The following PAQR5 variants were observed in gnomAD, a reference collection of about 807,000 sequenced individuals.
The protein encoded by PAQR5 is progestin and adipoQ receptor family member 5.
PAQR5 carries 20 observed loss-of-function variants against 34.5 expected under a neutral mutation model. That is an observed-to-expected ratio of 0.58 (90% CI 0.41 to 0.84). PAQR5 has a LOEUF of 0.84. Among genes scored for constraint, PAQR5 ranks in the 40% least tolerant of loss-of-function variants. The probability of loss-of-function intolerance (pLI) is 0.00; values close to 1 mark genes in which losing one functional copy is unlikely to be tolerated. For missense variants in PAQR5, 378 were observed against 412.7 expected, an observed-to-expected ratio of 0.92 and a Z score of 0.73; for synonymous variants, 131 against 155.6, an observed-to-expected ratio of 0.84 and a Z score of 1.18.
chr15:69,380,060 A>G, intron 4 of PAQR5, 50 bp downstream of exon 4: 1 of 1,599,194 alleles, frequency 6.3e-7, no homozygotes. Flanking sequence ...AGCCCTGGAG[A>G]CCAGGGTGTC....
intron 6 of PAQR5, 157 bp from the exon 7 acceptor site, chr15:69,397,311 G>T: frequency 1.4e-6 from 1 of 710,346 alleles, no homozygotes; most frequent in Non-Finnish European, 2.6e-6. Context: ...TGGGAGGAAT[G>T]GACGAGGCTG....
chr15:69,392,491 T>G (rs2056301515), intron 6 of PAQR5, among the ~76,000 whole-genome samples: 3 of 150,988 alleles, frequency 2.0e-5, no homozygotes, highest in Admixed American at 1.3e-4. Flanking sequence ...ATTCCATCTA[T>G]CCACCCATCT....
chr15:69,393,822 G>A (rs947601418), intron 6 of PAQR5, among the ~76,000 whole-genome samples: 9 of 152,288 alleles, frequency 5.9e-5, no homozygotes, highest in Admixed American at 5.2e-4. Flanking sequence ...GAGCTTTGTC[G>A]TCCCCTGAGT....
At chr15:69,387,908 T>TA (rs2056156233) in intron 5 of PAQR5, among the ~76,000 whole-genome samples, 1 of 12,408 alleles carries the variant, frequency 8.1e-5, no homozygotes, top group African/African-American at 2.6e-4. Flanking sequence ...GACCTGGATA[T>TA]ACCCCCACCA....
At chr15:69,401,745 TAACA>T (rs1567045742) in intron 8 of PAQR5, among the ~76,000 whole-genome samples, 1 of 152,200 alleles carries the variant, frequency 6.6e-6, no homozygotes, top group Non-Finnish European at 1.5e-5. Flanking sequence ...AGTCCTTAAC[TAACA>T]GAGTCTGCTG....
intron 2 of PAQR5, among the ~76,000 whole-genome samples, chr15:69,340,937 AAAC>A (rs894931244): frequency 9.2e-5 from 14 of 152,218 alleles, no homozygotes; most frequent in African/African-American, 3.4e-4. Flanking sequence ...TTTTGTATTA[AAAC>A]AACTATAAAT....
chr15:69,380,043 C>T lies in PAQR5; in HGVS notation c.179+33C>T, dbSNP rs764460491. 4 of 1,611,094 alleles carry T rather than the reference C, an allele frequency of 2.5e-6. No homozygotes were observed. In the East Asian group the frequency reaches 6.7e-5, roughly 27 times the overall value. On this transcript the variant is annotated intron_variant, in intron 4 of 8. Coordinates refer to ENST00000395407, the MANE Select transcript of PAQR5 (RefSeq NM_017705.4). ...CTGGCCCCCTCGACCGGCCTGTCTC[C>T]TTCAGGAGCCCTGGAGACCAGGGTG...
intron 3 of PAQR5, among the ~76,000 whole-genome samples, chr15:69,361,188 G>A (rs2055222351): frequency 6.6e-6 from 1 of 152,210 alleles, no homozygotes. Flanking sequence ...TTGCTGGTTG[G>A]TTCTACCCAT....
chr15:69,328,345 G>A (rs1007692123), intron 1 of PAQR5, among the ~76,000 whole-genome samples: 1 of 152,238 alleles, frequency 6.6e-6, no homozygotes, highest in African/African-American at 2.4e-5. Flanking sequence ...AGAAAGTTAA[G>A]CAACATGTTC....
At chr15:69,381,890 C>G (rs755041389) in intron 4 of PAQR5, among the ~76,000 whole-genome samples, 10 of 152,158 alleles carry the variant, frequency 6.6e-5, no homozygotes, top group Non-Finnish European at 1.2e-4. Flanking sequence ...TTTGTAGAGT[C>G]TCCTCCCTTG....
chr15:69,355,739 AT>A (rs1234356308), intron 2 of PAQR5, among the ~76,000 whole-genome samples: 2 of 151,680 alleles, frequency 1.3e-5, no homozygotes, highest in East Asian at 3.9e-4. Context: ...TTCTTTATTT[AT>A]TTTTTATACA....
At chr15:69,376,323 C>T (rs4777140) in intron 3 of PAQR5, among the ~76,000 whole-genome samples, 151,839 of 152,348 alleles carry the variant, frequency 1, 75,666 homozygotes, top group Middle Eastern at 1. Flanking sequence ...ACAAAATTGT[C>T]TTCAAATATT....
chr15:69,307,748 G>C lies in PAQR5; in HGVS notation c.-277+8692G>C, dbSNP rs575260941. ...CCCAGGTGGACTGAGAGGGAAAGAG[G>C]CTTCAGGCAAGAAGACCAAGTGAGA... On this transcript the variant is annotated intron_variant, in intron 1 of 8. Coordinates refer to ENST00000395407, the MANE Select transcript of PAQR5 (RefSeq NM_017705.4). 1.7e-4 allele frequency among the ~76,000 whole-genome samples: 26 copies of C among 152,232 alleles called. 1 individual carries two copies. Among genetic ancestry groups the C allele is most frequent in the Admixed American group, 1.5e-3 (23 of 15,298 alleles).
At position 69,322,838 on chromosome 15, in the gene PAQR5, G is replaced by GAAGAA. The variant is rs1566998269; in HGVS notation, c.-276-14503_-276-14502insAAGAA. Among the ~76,000 whole-genome samples, 50 of 19,418 alleles carry GAAGAA rather than the reference G, an allele frequency of 2.6e-3. 6 individuals carry two copies. Among genetic ancestry groups the GAAGAA allele is most frequent in the African/African-American group, 9.0e-3 (46 of 5,132 alleles). 12.7% of individuals were successfully genotyped at this position (19,418 alleles called of 152,430 possible). A position where few individuals can be genotyped will look rare whatever the true frequency, so the allele number is the denominator to read the frequency against. On this transcript the variant is annotated intron_variant, in intron 1 of 8. Transcript: ENST00000395407. The stretch of plus-strand genomic sequence containing the variant: ...AAGAAGAAGAAGAAGAAGAAGAAGA[G>GAAGAA]GAAGAAGAAGAGGAATTATTTCATC...
intron 1 of PAQR5, among the ~76,000 whole-genome samples, chr15:69,324,528 A>G (rs1357871946): frequency 6.6e-6 from 1 of 152,170 alleles, no homozygotes; most frequent in Non-Finnish European, 1.5e-5. Flanking sequence ...TAAATGATGG[A>G]GCCAGGGTTT....
In PAQR5 at chr15:69,364,688, G is replaced by T. The variant is rs146878063; in HGVS notation, c.51+4557G>T. ...ATAAGTAATCTTTTCATCTTTATCA[G>T]ATTAAGGGTATCACTTCATATTCTA... On this transcript the variant is annotated intron_variant, in intron 3 of 8. Coordinates refer to ENST00000395407, the MANE Select transcript of PAQR5 (RefSeq NM_017705.4). Among the ~76,000 whole-genome samples, 84 of 151,336 alleles carry T rather than the reference G, an allele frequency of 5.6e-4. 1 individual carries two copies. Among genetic ancestry groups the T allele is most frequent in the Admixed American group, 3.7e-3 (56 of 15,148 alleles).
intron 8 of PAQR5, among the ~76,000 whole-genome samples, chr15:69,400,361 G>A (rs1001629949): frequency 1.3e-5 from 2 of 152,216 alleles, no homozygotes; most frequent in African/African-American, 2.4e-5. Flanking sequence ...TGGAGCCAGT[G>A]TGTCTTATTG....
chr15:69,344,107 T>G (rs1182498139), intron 2 of PAQR5, among the ~76,000 whole-genome samples: 1 of 152,138 alleles, frequency 6.6e-6, no homozygotes, highest in Non-Finnish European at 1.5e-5. Flanking sequence ...TTGCTGAGAT[T>G]ACAGGCATGG....
rs141438615 is a variant in PAQR5 at position 69,403,539 on chromosome 15, C to G, written c.752-42C>G. On this transcript the variant is annotated intron_variant, in intron 8 of 8. Coordinates refer to ENST00000395407, the MANE Select transcript of PAQR5 (RefSeq NM_017705.4). ...CCATAGCATGTATCAGTACTCATTC[C>G]TTTTCATTGCTGATCTTGACGGCCT... 62 of 1,606,058 alleles carry G rather than the reference C, an allele frequency of 3.9e-5. No homozygotes were observed. The East Asian group carries it at 1.4e-3, about 35-fold the overall frequency.
Sources: allele counts gnomAD v4.1 joint callset (sites outside exome capture counted in the v4.1 genomes callset), GRCh38; gene constraint gnomAD v4.1.1; transcripts MANE v1.5; gene names NCBI Gene and HGNC (gene_info 2026-07-23, HGNC 2026-07-21).